The following GSDMC variants were observed in gnomAD, a reference collection of about 807,000 sequenced individuals.
GSDMC encodes gasdermin C.
Under a neutral mutation model 58.0 loss-of-function variants are expected in GSDMC, and 59 were observed. The observed-to-expected ratio is 1.02, with a 90% CI of 0.82 to 1.26. The LOEUF (loss-of-function observed/expected upper bound fraction) is 1.26, where lower values mean the gene tolerates loss of function less well. Ranked by LOEUF, GSDMC falls within the 50% of genes most tolerant of loss-of-function variation. The pLI is 0.00. For missense variants in GSDMC, 659 were observed against 598.5 expected, an observed-to-expected ratio of 1.10 and a Z score of -1.06; for synonymous variants, 241 against 220.2, an observed-to-expected ratio of 1.09 and a Z score of -0.83.
chr8:129,760,905 A>G (rs1346265512), intron 5 of GSDMC, among the ~76,000 whole-genome samples: 2 of 152,130 alleles, frequency 1.3e-5, no homozygotes. Context: ...TACCACTCTC[A>G]ATTTGGCATC....
chr8:129,728,890 A>C, the GSDMC span: 32 of 656,310 alleles, frequency 4.9e-5, no homozygotes, highest in Middle Eastern at 4.1e-4. Context: ...ACCTTCCTCA[A>C]GCACCAGGCA....
chr8:129,721,772 C>T, the GSDMC span, among the ~76,000 whole-genome samples: 1 of 152,184 alleles, frequency 6.6e-6, no homozygotes, highest in African/African-American at 2.4e-5. Context: ...TTTGGGTTTA[C>T]ATCCTACCAA....
chr8:129,718,413 A>G, the GSDMC span, among the ~76,000 whole-genome samples: 1 of 152,246 alleles, frequency 6.6e-6, no homozygotes, highest in Non-Finnish European at 1.5e-5. Flanking sequence ...GCCAACAAAC[A>G]TATGGAAAAA....
chr8:129,713,834 G>A, the GSDMC span, among the ~76,000 whole-genome samples: 55 of 152,234 alleles, frequency 3.6e-4, no homozygotes, highest in Non-Finnish European at 7.2e-4. Context: ...GGCCATAAAT[G>A]ATGGAGCCCA....
chr8:129,767,782 T>C (rs2033915842), intron 3 of GSDMC, among the ~76,000 whole-genome samples: 1 of 151,864 alleles, frequency 6.6e-6, no homozygotes. Context: ...TGGCTCCATC[T>C]GAATATGGCA....
the GSDMC span, among the ~76,000 whole-genome samples, chr8:129,709,873 G>A: frequency 6.6e-6 from 1 of 152,160 alleles, no homozygotes; most frequent in African/African-American, 2.4e-5. Flanking sequence ...TTTCCCCACT[G>A]GCGGCAGCGC....
the GSDMC span, among the ~76,000 whole-genome samples, chr8:129,715,024 G>A: frequency 6.4e-4 from 98 of 152,282 alleles, no homozygotes; most frequent in Admixed American, 8.5e-4. Context: ...ATGGTAAGGC[G>A]TCTATGCTTT....
chr8:129,712,697 G>A, the GSDMC span, among the ~76,000 whole-genome samples: 3 of 152,196 alleles, frequency 2.0e-5, no homozygotes, highest in Non-Finnish European at 4.4e-5. Flanking sequence ...GAGATAGGTG[G>A]CTGGGATCAA....
rs1199060989 is a variant in GSDMC, at chr8:129,748,531, G to C, written c.1497C>G (p.Leu499=). 6.2e-7 allele frequency: 1 copy of C among 1,611,680 alleles called. No homozygotes were observed. The highest frequency in any genetic ancestry group is 1.3e-5 in the African/African-American group (1 of 74,804). ...CCTCAGCCAGCTGCTGCAGCAACGA[G>C]AGAGTCCCATAGAGGGCAGACAGGG... ...KMPLSALYGT[L]SLLQQLAEA Residue 499 remains leucine (L), a synonymous_variant, in exon 14 of 14, where the codon CTC becomes CTG. Coordinates refer to ENST00000276708, the MANE Select transcript of GSDMC (RefSeq NM_031415.3).
At chr8:129,747,330 T>C (rs755019391), downstream of GSDMC, among the ~76,000 whole-genome samples, 15 of 151,810 alleles carry the variant, frequency 9.9e-5, no homozygotes, top group Non-Finnish European at 1.3e-4. Context: ...CCTTGGCAAT[T>C]TACAAATAAT....
chr8:129,739,046 AT>A, the GSDMC span, among the ~76,000 whole-genome samples: 49,281 of 151,652 alleles, frequency 0.32, 11,583 homozygotes, highest in African/African-American at 0.65. Flanking sequence ...AAGAGTTTTT[AT>A]TTTTTTTTAT....
At chr8:129,782,619 T>A (rs1461199546) in intron 1 of GSDMC, among the ~76,000 whole-genome samples, 1 of 152,086 alleles carries the variant, frequency 6.6e-6, no homozygotes, top group Non-Finnish European at 1.5e-5. Context: ...AGGAAATGGA[T>A]AAATTCCCAG....
chr8:129,785,746 A>C (rs1563821043), intron 1 of GSDMC, among the ~76,000 whole-genome samples: 1 of 106,832 alleles, frequency 9.4e-6, no homozygotes, highest in South Asian at 2.8e-4. Flanking sequence ...GGGCCATGTA[A>C]GAGGTCACTG....
At chr8:129,714,197 A>G in the GSDMC span, among the ~76,000 whole-genome samples, 1 of 151,968 alleles carries the variant, frequency 6.6e-6, no homozygotes, top group Non-Finnish European at 1.5e-5. Context: ...ATCAAAGCCC[A>G]CTCTCAGGTA....
chr8:129,712,642 T>C, the GSDMC span, among the ~76,000 whole-genome samples: 1 of 151,952 alleles, frequency 6.6e-6, no homozygotes, highest in East Asian at 1.9e-4. Flanking sequence ...GTCTGGGAAG[T>C]AGATATGTTA....
Position 129,750,526 on chromosome 8 carries a change from G to C in GSDMC, c.988C>G (p.Leu330Val), listed in dbSNP as rs966800345. 9 of 1,613,874 alleles carry C rather than the reference G, an allele frequency of 5.6e-6. No homozygotes were observed. Among genetic ancestry groups the C allele is most frequent in the Non-Finnish European group, 6.8e-6 (8 of 1,179,746 alleles). Residue 330 changes from leucine to valine, a missense_variant, in exon 11 of 14, where the codon CTG (leucine) becomes GTG (valine). By Grantham distance (32) the Leu-to-Val change is conservative. Transcript: ENST00000276708. Reference protein sequence around the residue: ...QEEVFQKIKTLAQLSKDVQDV... With the variant: ...QEEVFQKIKTVAQLSKDVQDV... The stretch of plus-strand genomic sequence containing the variant: ...TGAACATCCTTTGAGAGCTGAGCCA[G>C]TGTCTTTATTTTCTGGAAAACCTCC...
chr8:129,723,524 C>T, the GSDMC span, among the ~76,000 whole-genome samples: 1 of 151,170 alleles, frequency 6.6e-6, no homozygotes, highest in African/African-American at 2.4e-5. Context: ...CCTCGGCCTC[C>T]AAAAGTGCTG....
chr8:129,764,280 G>T (rs1220958418), intron 4 of GSDMC, among the ~76,000 whole-genome samples: 3 of 152,154 alleles, frequency 2.0e-5, no homozygotes, highest in Non-Finnish European at 4.4e-5. Flanking sequence ...GGGGCAACCA[G>T]GCAGGGATTA....
At chr8:129,713,318 G>A in the GSDMC span, among the ~76,000 whole-genome samples, 19 of 152,292 alleles carry the variant, frequency 1.2e-4, no homozygotes, top group Non-Finnish European at 2.5e-4. Context: ...CTGGCCGTGG[G>A]GAGGCAGGAG....
Sources: gnomAD v4.1 joint callset for allele counts (sites outside exome capture counted in the v4.1 genomes callset) on GRCh38, gnomAD v4.1.1 for gene constraint, MANE v1.5 for transcripts, NCBI Gene and HGNC (gene_info 2026-07-23, HGNC 2026-07-21) for gene names.